ZGPAT: variants seen among roughly 807,000 people sequenced by gnomAD.
The protein encoded by ZGPAT is zinc finger CCCH-type and G-patch domain containing.
A neutral mutation model predicts 47.9 loss-of-function variants in ZGPAT; 39 were observed. The observed-to-expected ratio is 0.81, with a 90% CI of 0.63 to 1.06. The LOEUF (loss-of-function observed/expected upper bound fraction) is 1.06, where lower values mean the gene tolerates loss of function less well. ZGPAT is among the 50% of genes least tolerant of loss of function. The probability of loss-of-function intolerance (pLI) is 0.00; values close to 1 mark genes in which losing one functional copy is unlikely to be tolerated. For missense variants in ZGPAT, 717 were observed against 681.4 expected (o/e 1.05, Z -0.58); for synonymous variants, 348 against 292.9 (o/e 1.19, Z -1.92).
chr20:63,708,490 C>A, intron 1 of ZGPAT, 63 bp from the exon 2 acceptor site: 1 of 1,259,750 alleles, frequency 7.9e-7, no homozygotes, highest in Non-Finnish European at 1.1e-6. Context: ...CGTGCCCGTG[C>A]CCGCCCTCAG....
intron 2 of ZGPAT, among the ~76,000 whole-genome samples, chr20:63,724,979 A>T (rs2091828827): frequency 7.0e-6 from 1 of 141,964 alleles, no homozygotes; most frequent in Non-Finnish European, 1.5e-5. Flanking sequence ...GCCCATTTAG[A>T]ATTTCTTTTT....
Position 63,734,720 on chromosome 20 carries a change from C to G in ZGPAT, c.887C>G (p.Ala296Gly). The stretch of plus-strand genomic sequence containing the variant: ...TCTCTTGCAGTGGTGGGGTCAGATG[C>G]TGTGGACTCTGGGACCTGCAGCTCT... Reference protein sequence around the residue: ...SSYARVVGSDAVDSGTCSSAF... With the variant: ...SSYARVVGSDGVDSGTCSSAF... Residue 296 changes from alanine to glycine, a missense_variant, in exon 5 of 7, where the codon GCT (alanine) becomes GGT (glycine). Coordinates refer to ENST00000355969, the MANE Select transcript of ZGPAT (RefSeq NM_181485.3). The G allele has an allele frequency of 6.2e-7, 1 of 1,614,012 alleles. No homozygotes were observed. The highest frequency in any genetic ancestry group is 8.5e-7 in the Non-Finnish European group (1 of 1,179,924).
chr20:63,734,798 C>T lies in ZGPAT; in HGVS notation c.965C>T (p.Thr322Ile), dbSNP rs746865146. 28 of 1,606,014 alleles carry T rather than the reference C, an allele frequency of 1.7e-5. 1 individual carries two copies. In the South Asian group the frequency reaches 3.0e-4, roughly 17 times the overall value. ...CGAGGTATAGGCTCCAGACTCCTCA[C>T]CAAGATGGGCTATGAGTTTGGCAAG... is the stretch of plus-strand genomic sequence containing the variant. ...HTRGIGSRLL[T>I]KMGYEFGKGL... The change falls in exon 5 of 7, where the codon ACC becomes ATC. Residue 322 changes from threonine to isoleucine, a missense_variant. Thr to Ile is a moderately conservative substitution (Grantham distance 89). Transcript: ENST00000355969.
Position 63,708,697 on chromosome 20 carries a change from G to T in ZGPAT, c.117G>T (p.Leu39=). 3.1e-6 allele frequency: 5 copies of T among 1,612,804 alleles called. No individual in the cohort carries two copies. The East Asian group carries it at 8.9e-5, about 29-fold the overall frequency. Reference sequence around the variant, plus strand: ...CTGAGCAGGCTGACCTGCGCCAGCTGCAGGGGGACCTGAAGGAGCTCATCG... The same window carrying T: ...CTGAGCAGGCTGACCTGCGCCAGCTTCAGGGGGACCTGAAGGAGCTCATCG... ...DSSEQADLRQ[L]QGDLKELIEL... is the part of the protein sequence containing the mutation. The change falls in exon 2 of 7, where the codon CTG becomes CTT. Residue 39 remains leucine (L), a synonymous_variant. Transcript: ENST00000355969.
In ZGPAT at chr20:63,727,669, CAAAAAAAAAA is replaced by C. The variant is rs746126031; in HGVS notation, c.585-5538_585-5529del. Among the ~76,000 whole-genome samples the C allele has an allele frequency of 1.2e-3, 56 of 45,894 alleles. 1 individual carries two copies. The Admixed American group carries it at 0.012, about 10-fold the overall frequency. 30.1% of individuals were successfully genotyped at this position (45,894 alleles called of 152,430 possible). A position where few individuals can be genotyped will look rare whatever the true frequency, so the allele number is the denominator to read the frequency against. On this transcript the variant is annotated intron_variant, in intron 2 of 6. Transcript: ENST00000355969. ...TGGGTGAGAGAGTGGGACTCGGTCT[CAAAAAAAAAA>C]AAAAAAAAAAAGGATTCTCTATTTC... is the stretch of plus-strand genomic sequence containing the variant.
intron 2 of ZGPAT, among the ~76,000 whole-genome samples, chr20:63,719,624 C>T (rs1007252786): frequency 1.3e-5 from 2 of 151,938 alleles, no homozygotes; most frequent in Admixed American, 6.6e-5. Context: ...TGGTTTCTTT[C>T]TGTAGTAATT....
rs1190502928 is a variant in ZGPAT at position 63,721,782 on chromosome 20, G to C, written c.585-11437G>C. 2.0e-5 allele frequency among the ~76,000 whole-genome samples: 3 copies of C among 152,070 alleles called. No homozygotes were observed. In the South Asian group the frequency reaches 6.2e-4, roughly 32 times the overall value. On this transcript the variant is annotated intron_variant, in intron 2 of 6. Coordinates refer to ENST00000355969, the MANE Select transcript of ZGPAT (RefSeq NM_181485.3). ...TGTTATCCCAGCACTTTGGGAGGCC[G>C]AGGCGGGTGAATTGCTTGAGGTCAG... is the stretch of plus-strand genomic sequence containing the variant.
intron 2 of ZGPAT, among the ~76,000 whole-genome samples, chr20:63,719,761 G>A (rs1171168954): frequency 1.4e-5 from 2 of 145,274 alleles, no homozygotes; most frequent in African/African-American, 2.5e-5. Context: ...TTTTTTTGAA[G>A]CGGGGTTTCA....
rs138185943 is a variant in ZGPAT at position 63,714,357 on chromosome 20, C to T, written c.584+5193C>T. Reference sequence around the variant, plus strand: ...ATGAGAATTGCTTGAACCTGGGGGGCGGAGGTTGCAGTGAGCCAAGATCAT... The same window carrying T: ...ATGAGAATTGCTTGAACCTGGGGGGTGGAGGTTGCAGTGAGCCAAGATCAT... On this transcript the variant is annotated intron_variant, in intron 2 of 6. Transcript: ENST00000355969. Among the ~76,000 whole-genome samples the T allele has an allele frequency of 3.6e-3, 533 of 146,758 alleles. 4 individuals are homozygous for T. Among genetic ancestry groups the T allele is most frequent in the African/African-American group, 0.012 (484 of 39,716 alleles).
At position 63,735,395 on chromosome 20, in the gene ZGPAT, C is replaced by T. The variant is rs931295326; in HGVS notation, c.1228C>T (p.Leu410=). Residue 410 remains leucine (L), a synonymous_variant, in exon 6 of 7, where the codon CTA becomes TTA. Transcript: ENST00000355969. ...EKLQGQAPGA[L]EAGAAPAGRR... ...GCTGCAAGGTCAGGCTCCTGGGGCC[C>T]TAGAAGCCGGGGCGGCCCCAGCGGG... 1.9e-6 allele frequency: 3 copies of T among 1,558,316 alleles called. No individual in the cohort carries two copies. The highest frequency in any genetic ancestry group is 2.6e-6 in the Non-Finnish European group (3 of 1,155,474).
rs1021091070 is a variant in ZGPAT, at chr20:63,736,053, G to A, written c.*134G>A. On this transcript the variant is annotated 3_prime_UTR_variant, in exon 7 of 7. Transcript: ENST00000355969. ...CACTGCTGAGTGGAGACAGAGCTGC[G>A]GGGTCCCATCTGGACACTTACTTGC... 22 of 1,327,050 alleles carry A rather than the reference G, an allele frequency of 1.7e-5. No individual in the cohort carries two copies. The highest frequency in any genetic ancestry group is 8.2e-5 in the Admixed American group (3 of 36,558). The allele number at this position is 1,327,050 out of a possible 1,614,324, so 82.2% of individuals were successfully genotyped here.
chr20:63,732,409 C>CGCGCGTGTGTGGGTGAGGGCCTGTGT (rs767320496), intron 2 of ZGPAT, among the ~76,000 whole-genome samples: 2 of 137,252 alleles, frequency 1.5e-5, no homozygotes, highest in African/African-American at 5.6e-5. Flanking sequence ...CCTGTGTGTG[C>CGCGCGTGTGTGGGTGAGGGCCTGTGT]GTGTGTGTGG....
At chr20:63,722,306 A>T (rs1171267714) in intron 2 of ZGPAT, among the ~76,000 whole-genome samples, 1 of 152,202 alleles carries the variant, frequency 6.6e-6, no homozygotes, top group Admixed American at 6.5e-5. Flanking sequence ...TACTTCATTG[A>T]GCAGTCATCT....
chr20:63,709,185 A>G (rs1166035664), intron 2 of ZGPAT, 21 bp downstream of exon 2: 5 of 1,604,174 alleles, frequency 3.1e-6, no homozygotes, highest in Non-Finnish European at 3.4e-6. Flanking sequence ...TTGTTGTCAG[A>G]TGCCAACCTT....
intron 2 of ZGPAT, among the ~76,000 whole-genome samples, chr20:63,732,150 TG>T (rs1486979125): frequency 1.3e-5 from 2 of 152,134 alleles, no homozygotes; most frequent in East Asian, 3.9e-4. Context: ...TGAGGGTGCA[TG>T]TGTGTGCGCG....
chr20:63,727,669 C>CAA (rs746126031), intron 2 of ZGPAT, among the ~76,000 whole-genome samples: 187 of 45,732 alleles, frequency 4.1e-3, no homozygotes, highest in Non-Finnish European at 6.4e-3. Flanking sequence ...GACTCGGTCT[C>CAA]AAAAAAAAAA....
intron 2 of ZGPAT, among the ~76,000 whole-genome samples, chr20:63,723,962 T>C (rs920188711): frequency 1.6e-4 from 25 of 151,932 alleles, no homozygotes; most frequent in African/African-American, 6.0e-4. Flanking sequence ...TCCCAGCTAT[T>C]TGGGGGAGGA....
In ZGPAT at chr20:63,716,861, T is replaced by C. The variant is rs554628735; in HGVS notation, c.584+7697T>C. ...CACGCCTGGCTGATTTTTATATTTT[T>C]AGTAGAGATGGGATTTCACCATGTT... is the stretch of plus-strand genomic sequence containing the variant. On this transcript the variant is annotated intron_variant, in intron 2 of 6. Transcript: ENST00000355969. Among the ~76,000 whole-genome samples the C allele has an allele frequency of 2.0e-5, 3 of 152,114 alleles. No homozygotes were observed. In the South Asian group the frequency reaches 6.2e-4, roughly 32 times the overall value.
chr20:63,715,519 G>A (rs2257437), intron 2 of ZGPAT, among the ~76,000 whole-genome samples: 28,923 of 152,038 alleles, frequency 0.19, 3,723 homozygotes, highest in East Asian at 0.61. Flanking sequence ...GATTACAGGC[G>A]TGAGCCACCG....
Sources: allele counts gnomAD v4.1 joint callset (sites outside exome capture counted in the v4.1 genomes callset), GRCh38; gene constraint gnomAD v4.1.1; transcripts MANE v1.5; gene names NCBI Gene and HGNC (gene_info 2026-07-23, HGNC 2026-07-21).